Variants in SLC47A1 observed in about 807,000 individuals in gnomAD.
The protein encoded by SLC47A1 is multidrug and toxin extrusion protein 1.
Under a neutral mutation model 65.8 loss-of-function variants are expected in SLC47A1, and 58 were observed. The observed-to-expected ratio is 0.88, with a 90% CI of 0.71 to 1.10. The LOEUF (loss-of-function observed/expected upper bound fraction) is 1.10. Among genes scored for constraint, SLC47A1 ranks in the 50% least tolerant of loss-of-function variants. The pLI is 0.00. For synonymous variants in SLC47A1, 285 were observed against 295.0 expected (o/e 0.97, Z 0.35); for missense variants, 706 against 719.2 (o/e 0.98, Z 0.21).
At chr17:19,540,741 G>C (rs1028391325) in intron 1 of SLC47A1, among the ~76,000 whole-genome samples, 8 of 152,140 alleles carry the variant, frequency 5.3e-5, no homozygotes, top group African/African-American at 1.9e-4. Flanking sequence ...CTCACGTTCA[G>C]TAGCAGGGGG....
chr17:19,566,710 C>A, intron 12 of SLC47A1, 80 bp from the exon 13 acceptor site: 3 of 1,331,424 alleles, frequency 2.3e-6, no homozygotes, highest in Non-Finnish European at 3.2e-6. Context: ...CAGGCATGAG[C>A]CACTGCGCCT....
chr17:19,572,669 C>T lies in SLC47A1; in HGVS notation c.1405-111C>T. The T allele has an allele frequency of 3.3e-6, 3 of 918,324 alleles. No homozygotes were observed. In the South Asian group the frequency reaches 4.2e-5, roughly 13 times the overall value. 56.9% of individuals were successfully genotyped at this position (918,324 alleles called of 1,614,324 possible). The stretch of plus-strand genomic sequence containing the variant: ...GACCTGTGAATGAGAGGAACTTCAG[C>T]TATACATGCCAATTAAGGAAAATGG... On this transcript the variant is annotated intron_variant, in intron 15 of 16. Coordinates refer to ENST00000270570, the MANE Select transcript of SLC47A1 (RefSeq NM_018242.3).
rs547178341 is a variant in SLC47A1 at position 19,554,851 on chromosome 17, T to C, written c.544-361T>C. Reference sequence around the variant, plus strand: ...ATTTCTATTTTGGTGAAGAAAGTATTCTCATTTTCTCCTATCGTCCAGTGT... The same window carrying C: ...ATTTCTATTTTGGTGAAGAAAGTATCCTCATTTTCTCCTATCGTCCAGTGT... On this transcript the variant is annotated intron_variant, in intron 6 of 16. Transcript: ENST00000270570. Among the ~76,000 whole-genome samples the C allele has an allele frequency of 1.9e-3, 283 of 152,340 alleles. 2 individuals are homozygous for C. The highest frequency in any genetic ancestry group is 6.6e-3 in the African/African-American group (273 of 41,566).
chr17:19,551,214 G>A (rs537385220), intron 5 of SLC47A1, among the ~76,000 whole-genome samples: 1 of 152,248 alleles, frequency 6.6e-6, no homozygotes, highest in Non-Finnish European at 1.5e-5. Context: ...AATATGCTTG[G>A]GGCATATGCA....
intron 16 of SLC47A1, 121 bp downstream of exon 16, chr17:19,572,982 C>A: frequency 2.5e-6 from 2 of 797,284 alleles, no homozygotes; most frequent in Admixed American, 2.4e-5. Context: ...AATAATGTTT[C>A]AGAAACACAT....
chr17:19,571,550 A>G lies in SLC47A1; in HGVS notation c.1382A>G (p.Asn461Ser). Residue 461 changes from asparagine (N) to serine (S), a missense_variant, in exon 15 of 17, where the codon AAT (asparagine) becomes AGT (serine). Transcript: ENST00000270570. ...TTTCTAGGCTTTATTATTCAGCTAA[A>G]TTGGAAAAAAGCCTGTCAGCAGGTA... ...VCFLGFIIQLNWKKACQQAQV... is the reference protein window; with the variant it reads ...VCFLGFIIQLSWKKACQQAQV... 1 of 1,614,038 alleles carries G rather than the reference A, an allele frequency of 6.2e-7. No individual in the cohort carries two copies. Among genetic ancestry groups the G allele is most frequent in the South Asian group, 1.1e-5 (1 of 91,068 alleles).
At chr17:19,542,555 T>C in intron 2 of SLC47A1, 61 bp downstream of exon 2, 1 of 1,326,870 alleles carries the variant, frequency 7.5e-7, no homozygotes, top group Non-Finnish European at 1.1e-6. Context: ...CTGCTGCTAC[T>C]ATAACAAATC....
chr17:19,555,502 C>T (rs955429001), intron 7 of SLC47A1, 91 bp from the exon 8 acceptor site: 1 of 1,402,824 alleles, frequency 7.1e-7, no homozygotes, highest in African/African-American at 1.4e-5. Flanking sequence ...CTGAGGACAG[C>T]ACGGGAAGGG....
intron 6 of SLC47A1, among the ~76,000 whole-genome samples, chr17:19,553,645 G>A (rs1033744404): frequency 6.6e-6 from 1 of 150,870 alleles, no homozygotes; most frequent in Non-Finnish European, 1.5e-5. Flanking sequence ...AGGTTCAAGC[G>A]ATTCTCCTGC....
At chr17:19,534,943 G>GA (rs1055962432) in intron 1 of SLC47A1, 2 of 152,200 alleles carry the variant, frequency 1.3e-5, no homozygotes, top group Non-Finnish European at 2.9e-5. Flanking sequence ...CTTAAGGCGT[G>GA]AATAAGCTTT....
chr17:19,577,104 T>A (rs1376752501), intron 16 of SLC47A1, among the ~76,000 whole-genome samples: 1 of 152,038 alleles, frequency 6.6e-6, no homozygotes, highest in African/African-American at 2.4e-5. Flanking sequence ...GGGAGAGTGC[T>A]CCCTGGAGCA....
At chr17:19,574,834 C>T (rs2084426847) in intron 16 of SLC47A1, among the ~76,000 whole-genome samples, 1 of 152,132 alleles carries the variant, frequency 6.6e-6, no homozygotes, top group South Asian at 2.1e-4. Flanking sequence ...CGGGATTTCA[C>T]CATGTTGGCC....
At chr17:19,556,430 G>A (rs981123143) in intron 10 of SLC47A1, among the ~76,000 whole-genome samples, 1 of 152,164 alleles carries the variant, frequency 6.6e-6, no homozygotes, top group African/African-American at 2.4e-5. Flanking sequence ...GAGGCTGGGT[G>A]TATGACCATA....
At chr17:19,577,278 A>G in intron 16 of SLC47A1, 49 bp from the exon 17 acceptor site, 1 of 1,579,150 alleles carries the variant, frequency 6.3e-7, no homozygotes, top group Non-Finnish European at 8.6e-7. Flanking sequence ...CTTTATAAAA[A>G]TGAAAAAAAA....
At chr17:19,541,016 T>A (rs1401367858) in intron 1 of SLC47A1, among the ~76,000 whole-genome samples, 1 of 152,040 alleles carries the variant, frequency 6.6e-6, no homozygotes, top group Admixed American at 6.6e-5. Flanking sequence ...GGGGGCCTGA[T>A]GAGGTCCTGA....
chr17:19,539,160 C>T (rs1435561985), intron 1 of SLC47A1, among the ~76,000 whole-genome samples: 1 of 152,148 alleles, frequency 6.6e-6, no homozygotes, highest in African/African-American at 2.4e-5. Context: ...GTCCTCTTGC[C>T]TCAGCCTCCC....
At position 19,546,450 on chromosome 17, in the gene SLC47A1, G is replaced by C. The variant is rs751549167; in HGVS notation, c.253G>C (p.Gly85Arg). ...TTATTTGCAGGTTATCAATGTCACT[G>C]GTGTCTCAGTGGGATTCGGCTTATC... is the stretch of plus-strand genomic sequence containing the variant. ...TLAIAVINVT[G>R]VSVGFGLSSA... is the part of the protein sequence containing the mutation. Residue 85 changes from glycine (G) to arginine (R), a missense_variant, in exon 3 of 17, where the codon GGT becomes CGT. Gly to Arg is a moderately radical substitution (Grantham distance 125). Coordinates refer to ENST00000270570, the MANE Select transcript of SLC47A1 (RefSeq NM_018242.3). 6.2e-7 allele frequency: 1 copy of C among 1,613,768 alleles called. No homozygotes were observed.
rs1567580399 is a variant in SLC47A1 at position 19,577,892 on chromosome 17, T to C, written c.*339T>C. The C allele has an allele frequency of 2.4e-6, 3 of 1,236,996 alleles. No homozygotes were observed. Among genetic ancestry groups the C allele is most frequent in the Non-Finnish European group, 2.1e-6 (2 of 973,032 alleles). The allele number at this position is 1,236,996 out of a possible 1,614,324, so 76.6% of individuals were successfully genotyped here. A position where few individuals can be genotyped will look rare whatever the true frequency, so the allele number is the denominator to read the frequency against. ...CATAAACTAACTGCTTAAGAATTCA[T>C]ACTGCTTGAATTATGTAAAATATAT... On this transcript the variant is annotated 3_prime_UTR_variant, in exon 17 of 17. Transcript: ENST00000270570.
chr17:19,572,695 C>A, intron 15 of SLC47A1, 85 bp from the exon 16 acceptor site: 2 of 1,263,418 alleles, frequency 1.6e-6, no homozygotes, highest in Non-Finnish European at 2.3e-6. Context: ...AGGAAAATGG[C>A]TTGGCTCTTC....
Sources: gnomAD v4.1 joint callset for allele counts (sites outside exome capture counted in the v4.1 genomes callset) on GRCh38, gnomAD v4.1.1 for gene constraint, MANE v1.5 for transcripts, NCBI Gene and HGNC (gene_info 2026-07-23, HGNC 2026-07-21) for gene names.